DIPK1A: variants seen among roughly 807,000 people sequenced by gnomAD.
The protein encoded by DIPK1A is family with sequence similarity 69 member A.
Under a neutral mutation model 40.8 loss-of-function variants are expected in DIPK1A, and 27 were observed. That is an observed-to-expected ratio of 0.66 (90% CI 0.49 to 0.91). The LOEUF is 0.91. Ranked by LOEUF, DIPK1A falls within the 40% of genes least tolerant of loss-of-function variation. The probability of loss-of-function intolerance (pLI) is 0.00; values close to 1 mark genes in which losing one functional copy is unlikely to be tolerated. For missense variants in DIPK1A, 412 were observed against 505.7 expected, an observed-to-expected ratio of 0.81 and a Z score of 1.78; for synonymous variants, 166 against 171.3, an observed-to-expected ratio of 0.97 and a Z score of 0.24.
chr1:92,847,644 C>T (rs1390256046), intron 3 of DIPK1A, among the ~76,000 whole-genome samples: 1 of 152,182 alleles, frequency 6.6e-6, no homozygotes, highest in Non-Finnish European at 1.5e-5. Flanking sequence ...AGACATTCTA[C>T]TTCCATAATC....
rs368331487 is a variant in DIPK1A at position 92,922,333 on chromosome 1, C to CT, written c.54+39042dup. Among the ~76,000 whole-genome samples the CT allele has an allele frequency of 6.5e-4, 94 of 144,698 alleles. 2 individuals are homozygous for CT. Among genetic ancestry groups the CT allele is most frequent in the South Asian group, 2.0e-3 (9 of 4,608 alleles). 94.9% of individuals were successfully genotyped at this position (144,698 alleles called of 152,430 possible). ...GTTTTTTTGGAGAAATTTTTCTTTT[C>CT]TTTTTTTTTTAGCATTATTGTACTG... On this transcript the variant is annotated intron_variant, in intron 1 of 4. Transcript: ENST00000370310.
chr1:92,902,198 C>T (rs570190931), intron 1 of DIPK1A, among the ~76,000 whole-genome samples: 9 of 152,316 alleles, frequency 5.9e-5, no homozygotes, highest in South Asian at 2.1e-4. Flanking sequence ...AACTTAGGCA[C>T]TGGGGAGGCC....
chr1:92,892,683 T>C (rs1040815548), intron 1 of DIPK1A, among the ~76,000 whole-genome samples: 2 of 152,048 alleles, frequency 1.3e-5, no homozygotes, highest in Non-Finnish European at 2.9e-5. Flanking sequence ...GAAGAAGGCT[T>C]CAGATGATCA....
At chr1:92,924,535 G>A (rs1650409619) in intron 1 of DIPK1A, among the ~76,000 whole-genome samples, 1 of 152,138 alleles carries the variant, frequency 6.6e-6, no homozygotes, top group Admixed American at 6.5e-5. Context: ...GAAGGAGTCA[G>A]GGGGCACCTT....
chr1:92,847,125 G>T, intron 4 of DIPK1A, 58 bp downstream of exon 4: 1 of 1,134,034 alleles, frequency 8.8e-7, no homozygotes, highest in Non-Finnish European at 1.2e-6. Flanking sequence ...ATGAGGTCCT[G>T]CCAATTCCTC....
chr1:92,833,322 T>G (rs1686986498), intron 4 of DIPK1A: 1 of 1,286,172 alleles, frequency 7.8e-7, no homozygotes, highest in African/African-American at 1.5e-5. Flanking sequence ...TGTTACATGG[T>G]TAATTTATGT....
intron 2 of DIPK1A, among the ~76,000 whole-genome samples, chr1:92,871,764 A>C (rs987197729): frequency 6.6e-6 from 1 of 152,148 alleles, no homozygotes; most frequent in African/African-American, 2.4e-5. Context: ...AATGTTTCCA[A>C]TATTCATCCA....
In DIPK1A at chr1:92,867,990, T is replaced by C. The variant is rs959500743; in HGVS notation, c.189+8306A>G. The stretch of plus-strand genomic sequence containing the variant: ...CTTGTCTCAGATCAAATGAAAAAAG[T>C]CAAGGACTTGAGAACCTTCTCTATG... On this transcript the variant is annotated intron_variant, in intron 2 of 4. Transcript: ENST00000370310. 2.6e-5 allele frequency among the ~76,000 whole-genome samples: 4 copies of C among 152,200 alleles called. No homozygotes were observed. In the East Asian group the frequency reaches 5.8e-4, roughly 22 times the overall value.
chr1:92,930,714 C>T (rs993754962), intron 1 of DIPK1A: 1 of 152,168 alleles, frequency 6.6e-6, no homozygotes, highest in Non-Finnish European at 1.5e-5. Context: ...CTTTCTATGC[C>T]TTTTCTGATA....
intron 4 of DIPK1A, chr1:92,846,635 CT>C (rs71094209): frequency 0.044 from 14,106 of 321,834 alleles, 1 homozygote; most frequent in South Asian, 0.078. Flanking sequence ...TTTTCTTTTT[CT>C]TTTTTTTTTT....
chr1:92,838,363 T>C (rs1182783434), downstream of DIPK1A, among the ~76,000 whole-genome samples: 2 of 152,226 alleles, frequency 1.3e-5, no homozygotes, highest in Non-Finnish European at 2.9e-5. Flanking sequence ...TACTTATGAC[T>C]TCATCCTGGT....
chr1:92,943,935 C>A (rs59273146), intron 1 of DIPK1A, among the ~76,000 whole-genome samples: 1 of 152,212 alleles, frequency 6.6e-6, no homozygotes, highest in East Asian at 1.9e-4. Context: ...AAAATAAAAT[C>A]TCTGAAAGGA....
intron 1 of DIPK1A, among the ~76,000 whole-genome samples, chr1:92,924,334 C>CT (rs1274591508): frequency 4.0e-5 from 6 of 150,938 alleles, no homozygotes; most frequent in African/African-American, 1.2e-4. Flanking sequence ...TTCTCCTTGC[C>CT]TTATTGCATT....
chr1:92,896,061 T>G (rs1282207366), intron 1 of DIPK1A, among the ~76,000 whole-genome samples: 1 of 152,132 alleles, frequency 6.6e-6, no homozygotes, highest in African/African-American at 2.4e-5. Flanking sequence ...ATCAATATCG[T>G]AAAAATGGCC....
Position 92,842,999 on chromosome 1 carries a change from T to G in DIPK1A, c.*384A>C. ...TAAGACATTAGTAAATTTATAAATT[T>G]TCTTGTTGAACAGCAGCTTCAATGC... On this transcript the variant is annotated 3_prime_UTR_variant, in exon 5 of 5. Transcript: ENST00000370310. 1 of 994,834 alleles carries G rather than the reference T, an allele frequency of 1.0e-6. No homozygotes were observed. The highest frequency in any genetic ancestry group is 1.2e-6 in the Non-Finnish European group (1 of 836,122). The allele number at this position is 994,834 out of a possible 1,614,324, so 61.6% of individuals were successfully genotyped here.
At chr1:92,890,022 T>C (rs1648787500) in intron 1 of DIPK1A, among the ~76,000 whole-genome samples, 1 of 152,194 alleles carries the variant, frequency 6.6e-6, no homozygotes, top group South Asian at 2.1e-4. Context: ...GTAGAGATCT[T>C]TCATCTCCTT....
At chr1:92,841,277 G>A (rs916214013), downstream of DIPK1A, among the ~76,000 whole-genome samples, 1 of 152,126 alleles carries the variant, frequency 6.6e-6, no homozygotes, top group Non-Finnish European at 1.5e-5. Flanking sequence ...TGAAGTATTT[G>A]TCTTTTTGTG....
chr1:92,946,804 C>T (rs1393662330), intron 1 of DIPK1A, among the ~76,000 whole-genome samples: 1 of 151,944 alleles, frequency 6.6e-6, no homozygotes, highest in African/African-American at 2.4e-5. Flanking sequence ...ATTGGCCAAG[C>T]CTGGTGGCAC....
intron 1 of DIPK1A, among the ~76,000 whole-genome samples, chr1:92,950,984 G>A (rs976439253): frequency 9.2e-5 from 14 of 152,126 alleles, no homozygotes; most frequent in African/African-American, 2.4e-4. Context: ...TTCCTGTGGA[G>A]GCAGAATTCT....
Sources: allele counts gnomAD v4.1 joint callset (sites outside exome capture counted in the v4.1 genomes callset), GRCh38; gene constraint gnomAD v4.1.1; transcripts MANE v1.5; gene names NCBI Gene and HGNC (gene_info 2026-07-23, HGNC 2026-07-21).